CPXM2: variants seen among roughly 807,000 people sequenced by gnomAD.
CPXM2 encodes the protein inactive carboxypeptidase-like protein X2.
CPXM2 carries 66 observed loss-of-function variants against 86.1 expected under a neutral mutation model. The ratio of observed to expected loss-of-function variants is 0.77; its 90% CI spans 0.63 to 0.94. The LOEUF (loss-of-function observed/expected upper bound fraction) is 0.94. CPXM2 is among the 40% of genes least tolerant of loss of function. CPXM2 has a pLI of 0.00. For synonymous variants in CPXM2, 388 were observed against 400.2 expected, an observed-to-expected ratio of 0.97 and a Z score of 0.36; for missense variants, 948 against 1,026.3, an observed-to-expected ratio of 0.92 and a Z score of 1.04.
intron 4 of CPXM2, among the ~76,000 whole-genome samples, chr10:123,834,810 G>A (rs145470559): frequency 3.3e-5 from 5 of 152,230 alleles, no homozygotes; most frequent in Non-Finnish European, 5.9e-5. Context: ...CTTGGTGGGG[G>A]TGCAGGGGGT....
Position 123,891,691 on chromosome 10 carries a change from A to G in CPXM2, c.-32T>C. On this transcript the variant is annotated 5_prime_UTR_variant, in exon 1 of 14. Transcript: ENST00000241305. The surrounding 1 kb of genome is among the most constrained non-coding windows in gnomAD (Gnocchi z 5.6). ...TCCGCCCCGCGCCCAGGGCAGGGTCACGGTCACCGGGGGCGCCGGGCGGGC... is the reference window on the plus strand; with the variant it reads ...TCCGCCCCGCGCCCAGGGCAGGGTCGCGGTCACCGGGGGCGCCGGGCGGGC... 1 of 1,322,272 alleles carries G rather than the reference A, an allele frequency of 7.6e-7. No homozygotes were observed. 81.9% of individuals were successfully genotyped at this position (1,322,272 alleles called of 1,614,324 possible).
chr10:123,851,941 G>A lies in CPXM2; in HGVS notation c.514-9453C>T, dbSNP rs992763847. Among the ~76,000 whole-genome samples the A allele has an allele frequency of 6.6e-5, 10 of 152,072 alleles. No individual in the cohort carries two copies. In the East Asian group the frequency reaches 1.9e-3, roughly 29 times the overall value. The stretch of plus-strand genomic sequence containing the variant: ...TAGAGGCTCACTGGAAGAAGCCTGA[G>A]GTACCAGGGAGGCAGAGACTGGGGT... On this transcript the variant is annotated intron_variant, in intron 3 of 13. Transcript: ENST00000241305.
At chr10:123,850,485 C>T (rs1472830895) in intron 3 of CPXM2, among the ~76,000 whole-genome samples, 1 of 152,198 alleles carries the variant, frequency 6.6e-6, no homozygotes, top group Non-Finnish European at 1.5e-5. Context: ...CGTTTCTCAC[C>T]ATCCAACGTT....
intron 6 of CPXM2, among the ~76,000 whole-genome samples, chr10:123,788,702 C>A (rs527872927): frequency 1.3e-5 from 2 of 152,178 alleles, no homozygotes; most frequent in African/African-American, 2.4e-5. Context: ...ACTCTGCATG[C>A]GGTGAGAGCA....
At chr10:123,755,416 C>T (rs1438813856) in intron 12 of CPXM2, among the ~76,000 whole-genome samples, 2 of 152,152 alleles carry the variant, frequency 1.3e-5, no homozygotes, top group African/African-American at 2.4e-5. Context: ...TATAGGATTG[C>T]CTGGCTCTGT....
chr10:123,772,622 A>G (rs1372449961), intron 7 of CPXM2, among the ~76,000 whole-genome samples: 1 of 151,188 alleles, frequency 6.6e-6, no homozygotes, highest in East Asian at 2.0e-4. Context: ...GGTCATGGTT[A>G]TCACTTCCCT....
At chr10:123,856,122 C>T (rs876815) in intron 3 of CPXM2, among the ~76,000 whole-genome samples, 20,497 of 152,158 alleles carry the variant, frequency 0.13, 1,726 homozygotes, top group East Asian at 0.33. Flanking sequence ...GATCTAAGCA[C>T]CAACTTTTCT....
At chr10:123,921,420 G>A (rs1945578794) in intron 2 of CPXM2, among the ~76,000 whole-genome samples, 2 of 152,202 alleles carry the variant, frequency 1.3e-5, no homozygotes, top group Non-Finnish European at 2.9e-5. Context: ...ATATGCTAGT[G>A]GTAACCACTG....
chr10:123,845,913 G>A (rs892202474), intron 3 of CPXM2, among the ~76,000 whole-genome samples: 4 of 152,194 alleles, frequency 2.6e-5, no homozygotes, highest in Admixed American at 2.6e-4. Flanking sequence ...CTAGAAGAAT[G>A]GAGGGATGGT....
intron 10 of CPXM2, among the ~76,000 whole-genome samples, chr10:123,762,659 C>T (rs1009449763): frequency 1.3e-5 from 2 of 152,066 alleles, no homozygotes; most frequent in South Asian, 2.1e-4. Flanking sequence ...GGGTCCATGG[C>T]GATCCTGGGC....
chr10:123,793,788 C>T (rs921267504), intron 6 of CPXM2, among the ~76,000 whole-genome samples: 9 of 152,182 alleles, frequency 5.9e-5, no homozygotes, highest in African/African-American at 2.2e-4. Flanking sequence ...AACGATCAAC[C>T]CATTGCCACA....
chr10:123,939,224 T>C (rs890253188), intron 2 of CPXM2, among the ~76,000 whole-genome samples: 2 of 152,164 alleles, frequency 1.3e-5, no homozygotes, highest in Admixed American at 1.3e-4. Context: ...AGGGTTACCA[T>C]GGCAATGTTT....
chr10:123,763,188 C>T (rs1014631985), intron 10 of CPXM2, among the ~76,000 whole-genome samples: 2 of 152,188 alleles, frequency 1.3e-5, no homozygotes, highest in Non-Finnish European at 2.9e-5. Context: ...TCCAGGTGCA[C>T]ACCACCACGC....
intron 4 of CPXM2, 79 bp from the exon 5 acceptor site, chr10:123,799,278 G>A: frequency 6.4e-7 from 1 of 1,563,158 alleles, no homozygotes. Context: ...GAAGTGAGGA[G>A]AGCAGGTGCC....
chr10:123,812,799 A>G (rs1358436878), intron 4 of CPXM2, among the ~76,000 whole-genome samples: 1 of 152,178 alleles, frequency 6.6e-6, no homozygotes, highest in Non-Finnish European at 1.5e-5. Context: ...CTGAAGTGGA[A>G]CAGTTTCATC....
At chr10:123,841,260 C>T (rs1055217431) in intron 4 of CPXM2, among the ~76,000 whole-genome samples, 2 of 152,194 alleles carry the variant, frequency 1.3e-5, no homozygotes, top group East Asian at 3.9e-4. Flanking sequence ...CACACAACAT[C>T]CCTCAGGGAT....
chr10:123,822,565 G>A (rs1218648580), intron 4 of CPXM2, among the ~76,000 whole-genome samples: 1 of 152,020 alleles, frequency 6.6e-6, no homozygotes, highest in Non-Finnish European at 1.5e-5. Flanking sequence ...GGCGAGTTGG[G>A]GGAGGCACTT....
At chr10:123,907,517 CCCCACCCCAAGT>C (rs1174771234) in intron 2 of CPXM2, among the ~76,000 whole-genome samples, 3 of 152,054 alleles carry the variant, frequency 2.0e-5, no homozygotes, top group Non-Finnish European at 2.9e-5. Context: ...AATCCCCCAC[CCCCACCCCAAGT>C]CCCACCCTGA....
chr10:123,783,770 A>G (rs1213674316), intron 6 of CPXM2, among the ~76,000 whole-genome samples: 1 of 152,220 alleles, frequency 6.6e-6, no homozygotes, highest in African/African-American at 2.4e-5. Context: ...CCTTTGAAAC[A>G]GGAATTCAGG....
Sources: allele counts gnomAD v4.1 joint callset (sites outside exome capture counted in the v4.1 genomes callset), GRCh38; gene constraint gnomAD v4.1.1; non-coding constraint Gnocchi (gnomAD v3.1); transcripts MANE v1.5; gene names NCBI Gene and HGNC (gene_info 2026-07-23, HGNC 2026-07-21).